PCNT: variants seen among roughly 807,000 people sequenced by gnomAD.
The protein encoded by PCNT is kendrin.
PCNT carries 319 observed loss-of-function variants against 380.4 expected under a neutral mutation model. The ratio of observed to expected loss-of-function variants is 0.84; its 90% CI spans 0.77 to 0.92. The LOEUF (loss-of-function observed/expected upper bound fraction) is 0.92, where lower values mean the gene tolerates loss of function less well. Among genes scored for constraint, PCNT ranks in the 40% least tolerant of loss-of-function variants. The pLI, the probability that PCNT is intolerant of heterozygous loss-of-function variation, is 0.00. For synonymous variants in PCNT, 1,845 were observed against 1,735.2 expected (o/e 1.06, Z -1.57); for missense variants, 4,400 against 4,255.3 (o/e 1.03, Z -0.95).
intron 21 of PCNT, among the ~76,000 whole-genome samples, chr21:46,393,978 C>T (rs947755825): frequency 2.6e-5 from 4 of 152,224 alleles, no homozygotes; most frequent in African/African-American, 2.4e-5. Flanking sequence ...GGAGCCCTTT[C>T]GCAGGCTCGG....
intron 3 of PCNT, among the ~76,000 whole-genome samples, chr21:46,338,408 T>C (rs944881451): frequency 1.3e-5 from 2 of 152,182 alleles, no homozygotes; most frequent in African/African-American, 4.8e-5. Context: ...ATATGTAGGC[T>C]TTTGGGTCCA....
intron 32 of PCNT, 40 bp downstream of exon 32, chr21:46,422,164 C>T: frequency 6.2e-7 from 1 of 1,609,090 alleles, no homozygotes; most frequent in South Asian, 1.1e-5. Flanking sequence ...TTCACATGTG[C>T]AGCCTCGGGG....
chr21:46,365,563 T>G, intron 14 of PCNT, among the ~76,000 whole-genome samples: 1 of 142,908 alleles, frequency 7.0e-6, no homozygotes, highest in Non-Finnish European at 1.5e-5. Context: ...TGCCGTGGGG[T>G]TCTGTTCACT....
At chr21:46,356,799 G>A (rs965204948) in intron 12 of PCNT, among the ~76,000 whole-genome samples, 175 bp from the exon 13 acceptor site, 30 of 152,376 alleles carry the variant, frequency 2.0e-4, no homozygotes, top group African/African-American at 7.2e-4. Flanking sequence ...CCGAAAGGGA[G>A]GGGAGACTTG....
At chr21:46,422,542 G>T (rs1405453358) in intron 32 of PCNT, among the ~76,000 whole-genome samples, 2 of 152,232 alleles carry the variant, frequency 1.3e-5, no homozygotes, top group African/African-American at 4.8e-5. Flanking sequence ...AGCCTCCTTG[G>T]AATCAACCTT....
chr21:46,356,619 T>C (rs1321895969), intron 12 of PCNT, among the ~76,000 whole-genome samples: 1 of 152,002 alleles, frequency 6.6e-6, no homozygotes, highest in Non-Finnish European at 1.5e-5. Context: ...GGGTGACACA[T>C]GTGTGCCCAC....
At chr21:46,404,423 A>G (rs551466432) in intron 27 of PCNT, among the ~76,000 whole-genome samples, 4 of 138,282 alleles carry the variant, frequency 2.9e-5, no homozygotes, top group South Asian at 2.1e-4. Flanking sequence ...TGCCCAACAA[A>G]GAAGAGGAGA....
At chr21:46,374,023 C>T (rs1601878753) in intron 15 of PCNT, among the ~76,000 whole-genome samples, 1 of 152,172 alleles carries the variant, frequency 6.6e-6, no homozygotes, top group African/African-American at 2.4e-5. Flanking sequence ...CCACTGCGCC[C>T]GGCCGCTCAG....
intron 34 of PCNT, 48 bp downstream of exon 34, chr21:46,427,843 G>C: frequency 1.3e-6 from 2 of 1,586,974 alleles, no homozygotes; most frequent in Non-Finnish European, 1.7e-6. Context: ...CAGGGGTCCA[G>C]CCCTGGCAGA....
chr21:46,385,544 A>G (rs759138693), intron 16 of PCNT, among the ~76,000 whole-genome samples: 5 of 152,218 alleles, frequency 3.3e-5, no homozygotes, highest in South Asian at 2.1e-4. Flanking sequence ...GAAAAACCGT[A>G]TCAATAATTT....
intron 1 of PCNT, chr21:46,325,235 GT>G: frequency 1.0e-6 from 1 of 979,800 alleles, no homozygotes; most frequent in Non-Finnish European, 1.2e-6. Flanking sequence ...CCCCCAGGAT[GT>G]TCTGGCTGGG....
intron 14 of PCNT, among the ~76,000 whole-genome samples, 160 bp downstream of exon 14, chr21:46,364,094 T>C (rs952307775): frequency 1.5e-4 from 23 of 152,358 alleles, no homozygotes; most frequent in African/African-American, 5.5e-4. Context: ...TTCAGCCTAA[T>C]TGCAGTGGGA....
rs1270250813 is a variant in PCNT at position 46,411,950 on chromosome 21, A to T, written c.5877A>T (p.Thr1959=). The part of the protein sequence containing the change: ...RRQARRATAH[T]RVPGAHPQPR... Reference sequence around the variant, plus strand: ...AGGCCCGCAGAGCCACAGCTCACACACGGGTGCCCGGGGCCCACCCACAGC... The same window carrying T: ...AGGCCCGCAGAGCCACAGCTCACACTCGGGTGCCCGGGGCCCACCCACAGC... The change falls in exon 28 of 47, where the codon ACA becomes ACT. Residue 1959 remains threonine (T), a synonymous_variant. Coordinates refer to ENST00000359568, the MANE Select transcript of PCNT (RefSeq NM_006031.6). 47 of 1,597,670 alleles carry T rather than the reference A, an allele frequency of 2.9e-5. No homozygotes were observed. The highest frequency in any genetic ancestry group is 4.0e-5 in the Non-Finnish European group (47 of 1,178,966).
At position 46,440,164 on chromosome 21, in the gene PCNT, C is replaced by G. The variant is rs1293282272; in HGVS notation, c.9355C>G (p.Pro3119Ala). Reference protein sequence around the residue: ...LRRPDPGRLPPAASEEAHTSN... With the variant: ...LRRPDPGRLPAAASEEAHTSN... ...GCGCCCAGACCCCGGCCGGCTTCCA[C>G]CAGCTGCCAGCGAGGAAGCACACAC... is the stretch of plus-strand genomic sequence containing the variant. Residue 3119 changes from proline to alanine, a missense_variant, in exon 42 of 47, where the codon CCA (proline) becomes GCA (alanine). Physicochemically the swap from Pro to Ala is conservative, Grantham distance 27. Transcript: ENST00000359568. 4 of 1,614,032 alleles carry G rather than the reference C, an allele frequency of 2.5e-6. No individual in the cohort carries two copies. The highest frequency in any genetic ancestry group is 3.3e-5 in the Admixed American group (2 of 60,006).
intron 42 of PCNT, 118 bp from the exon 43 acceptor site, chr21:46,440,737 T>C (rs1313226662): frequency 2.7e-6 from 2 of 738,606 alleles, no homozygotes; most frequent in East Asian, 2.6e-5. Flanking sequence ...GGCTCTGTGA[T>C]GATTTGATGG....
At chr21:46,325,310 G>A (rs1166456684) in intron 1 of PCNT, 1 of 620,738 alleles carries the variant, frequency 1.6e-6, no homozygotes, top group Non-Finnish European at 2.0e-6. Context: ...GGCCGGGGAA[G>A]GGCTGAGGCG....
chr21:46,373,705 G>A (rs1199364434), intron 15 of PCNT, among the ~76,000 whole-genome samples: 1 of 139,928 alleles, frequency 7.1e-6, no homozygotes. Flanking sequence ...GATTACAGAT[G>A]TGAGCCACCG....
Position 46,436,193 on chromosome 21 carries a change from C to A in PCNT, c.8996+45C>A, listed in dbSNP as rs2236616. The stretch of plus-strand genomic sequence containing the variant: ...GGCGCTCACTGGTCCCTTGCAGCCA[C>A]CCCTCTGTCCCAGACCCGGCCCGAG... On this transcript the variant is annotated intron_variant, in intron 39 of 46. Coordinates refer to ENST00000359568, the MANE Select transcript of PCNT (RefSeq NM_006031.6). The A allele has an allele frequency of 0.38, 599,346 of 1,596,002 alleles. 115,081 individuals are homozygous for A. The highest frequency in any genetic ancestry group is 0.45 in the East Asian group (20,012 of 44,784).
chr21:46,355,672 G>A (rs2084447515), intron 12 of PCNT, 46 bp downstream of exon 12: 7 of 1,602,438 alleles, frequency 4.4e-6, no homozygotes, highest in Non-Finnish European at 6.0e-6. Context: ...TCCCGGGTCT[G>A]GGGGACGTTC....
Sources: gnomAD v4.1 joint callset for allele counts (sites outside exome capture counted in the v4.1 genomes callset) on GRCh38, gnomAD v4.1.1 for gene constraint, MANE v1.5 for transcripts, NCBI Gene and HGNC (gene_info 2026-07-23, HGNC 2026-07-21) for gene names.